The following AP3S1 variants were observed in gnomAD, a reference collection of about 807,000 sequenced individuals.
AP3S1 encodes AP-3 complex subunit sigma-1.
Under a neutral mutation model 21.3 loss-of-function variants are expected in AP3S1, and 12 were observed. The ratio of observed to expected loss-of-function variants is 0.56; its 90% CI spans 0.36 to 0.91. The LOEUF (loss-of-function observed/expected upper bound fraction) is 0.91. Among genes scored for constraint, AP3S1 ranks in the 40% least tolerant of loss-of-function variants. AP3S1 has a pLI of 0.01. For missense variants in AP3S1, 116 were observed against 225.0 expected (o/e 0.52, Z 3.10); for synonymous variants, 48 against 78.4 (o/e 0.61, Z 2.05).
Position 115,857,035 on chromosome 5 carries a change from A to G in AP3S1, c.70-9635A>G, listed in dbSNP as rs187321199. ...ATTTTCTTAGTTGAGTATTGCCAGCATTCTAAGAAGATTCCAAGTGGCAGC... is the reference window on the plus strand; with the variant it reads ...ATTTTCTTAGTTGAGTATTGCCAGCGTTCTAAGAAGATTCCAAGTGGCAGC... On this transcript the variant is annotated intron_variant, in intron 1 of 5. Transcript: ENST00000316788. Among the ~76,000 whole-genome samples the G allele has an allele frequency of 3.3e-4, 50 of 152,324 alleles. 1 individual carries two copies. Among genetic ancestry groups the G allele is most frequent in the Admixed American group, 1.7e-3 (26 of 15,292 alleles).
At chr5:115,867,973 T>C (rs1405833128) in intron 2 of AP3S1, among the ~76,000 whole-genome samples, 1 of 152,212 alleles carries the variant, frequency 6.6e-6, no homozygotes, top group Non-Finnish European at 1.5e-5. Flanking sequence ...TCTAGTTTAA[T>C]CCTAGTTTTG....
chr5:115,875,348 A>T (rs1324660837), intron 3 of AP3S1, among the ~76,000 whole-genome samples: 1 of 152,176 alleles, frequency 6.6e-6, no homozygotes, highest in East Asian at 1.9e-4. Context: ...AATTATGGCG[A>T]GGTAGGTACT....
At chr5:115,889,330 TG>T (rs1750076687) in intron 3 of AP3S1, among the ~76,000 whole-genome samples, 1 of 152,140 alleles carries the variant, frequency 6.6e-6, no homozygotes, top group African/African-American at 2.4e-5. Flanking sequence ...TACTGGAAAT[TG>T]TATTCTGATT....
At chr5:115,847,086 A>G (rs781601176) in intron 1 of AP3S1, among the ~76,000 whole-genome samples, 1 of 152,206 alleles carries the variant, frequency 6.6e-6, no homozygotes, top group African/African-American at 2.4e-5. Context: ...AGTTCAATTC[A>G]GAAAGAGACA....
intron 1 of AP3S1, among the ~76,000 whole-genome samples, chr5:115,858,470 A>G (rs977030706): frequency 8.5e-5 from 13 of 152,130 alleles, no homozygotes; most frequent in East Asian, 1.9e-4. Context: ...CAGAGTTTCT[A>G]CAGTTTCACA....
At chr5:115,845,614 A>G (rs138668039) in intron 1 of AP3S1, among the ~76,000 whole-genome samples, 35 of 152,170 alleles carry the variant, frequency 2.3e-4, no homozygotes, top group African/African-American at 7.9e-4. Context: ...CAGGCGGATC[A>G]CCTGAGGTCA....
intron 3 of AP3S1, among the ~76,000 whole-genome samples, chr5:115,877,102 G>A (rs992801937): frequency 6.6e-6 from 1 of 151,944 alleles, no homozygotes; most frequent in South Asian, 2.1e-4. Context: ...AATATTTATG[G>A]TGTTTACCAA....
In AP3S1 at chr5:115,913,587, AC is replaced by A. The variant is rs1752277691; in HGVS notation, c.*98del. 1 of 1,521,442 alleles carries A rather than the reference AC, an allele frequency of 6.6e-7. No homozygotes were observed. The highest frequency in any genetic ancestry group is 1.3e-5 in the South Asian group (1 of 75,470). 94.2% of individuals were successfully genotyped at this position (1,521,442 alleles called of 1,614,324 possible). A position where few individuals can be genotyped will look rare whatever the true frequency, so the allele number is the denominator to read the frequency against. On this transcript the variant is annotated 3_prime_UTR_variant, in exon 6 of 6. Transcript: ENST00000316788. ...CCAAAAATAGAGGAGGAGAGTCTTAACTTTTGCTCTTGGATTTAAGTCAAGG... is the reference window on the plus strand; with the variant it reads ...CCAAAAATAGAGGAGGAGAGTCTTAATTTTGCTCTTGGATTTAAGTCAAGG...
chr5:115,877,290 A>G (rs1280721069), intron 3 of AP3S1, among the ~76,000 whole-genome samples: 1 of 152,068 alleles, frequency 6.6e-6, no homozygotes, highest in Non-Finnish European at 1.5e-5. Context: ...GCACCCATCA[A>G]CCCGTCATCT....
Position 115,867,165 on chromosome 5 carries a change from A to T in AP3S1, c.161+404A>T, listed in dbSNP as rs1046594657. On this transcript the variant is annotated intron_variant, in intron 2 of 5. Transcript: ENST00000316788. The stretch of plus-strand genomic sequence containing the variant: ...ACCTACAACCTTAAAATTTTTATTT[A>T]TGAGATCACACTTTGTATGCTCATT... Among the ~76,000 whole-genome samples, 15 of 152,234 alleles carry T rather than the reference A, an allele frequency of 9.9e-5. No individual in the cohort carries two copies. In the East Asian group the frequency reaches 2.9e-3, roughly 29 times the overall value.
rs773467688 is a variant in AP3S1 at position 115,866,732 on chromosome 5, A to T, written c.132A>T (p.Glu44Asp). The change falls in exon 2 of 6, where the codon GAA becomes GAT. Residue 44 changes from glutamate (E) to aspartate (D), a missense_variant. Coordinates refer to ENST00000316788, the MANE Select transcript of AP3S1 (RefSeq NM_001284.4). ...TCCATTTGGTATCTAAGAGAGATGA[A>T]AATGTTTGTAATTTCCTAGAAGGAG... ...ETFHLVSKRD[E>D]NVCNFLEGGL... The T allele has an allele frequency of 6.2e-7, 1 of 1,604,198 alleles. No individual in the cohort carries two copies. Among genetic ancestry groups the T allele is most frequent in the Non-Finnish European group, 8.5e-7 (1 of 1,173,884 alleles).
intron 5 of AP3S1, among the ~76,000 whole-genome samples, chr5:115,905,796 A>G (rs956555007): frequency 2.0e-5 from 3 of 152,256 alleles, no homozygotes; most frequent in Admixed American, 6.5e-5. Flanking sequence ...CTTGAAACAA[A>G]GTATAAACTT....
chr5:115,855,628 C>T (rs558271646), intron 1 of AP3S1, among the ~76,000 whole-genome samples: 1 of 152,222 alleles, frequency 6.6e-6, no homozygotes, highest in Non-Finnish European at 1.5e-5. Context: ...GCTTGAGCCA[C>T]TGCACCCAGT....
rs540089825 is a variant in AP3S1, at chr5:115,872,287, A to C, written c.273+2159A>C. The stretch of plus-strand genomic sequence containing the variant: ...ACAGAGTGAGACCCTGTCTCAAAAA[A>C]AATAGAAATAAAAACATTGTTAATA... On this transcript the variant is annotated intron_variant, in intron 3 of 5. Coordinates refer to ENST00000316788, the MANE Select transcript of AP3S1 (RefSeq NM_001284.4). Among the ~76,000 whole-genome samples the C allele has an allele frequency of 2.0e-5, 3 of 152,288 alleles. No individual in the cohort carries two copies. The South Asian group carries it at 6.2e-4, about 32-fold the overall frequency.
chr5:115,866,862 T>C (rs549994665), intron 2 of AP3S1, 101 bp downstream of exon 2: 54 of 598,204 alleles, frequency 9.0e-5, no homozygotes, highest in Admixed American at 3.3e-4. Flanking sequence ...TTTTGATTAA[T>C]TGGATTAGGT....
intron 3 of AP3S1, among the ~76,000 whole-genome samples, chr5:115,889,693 C>T (rs1449062972): frequency 6.6e-6 from 1 of 152,008 alleles, no homozygotes; most frequent in Non-Finnish European, 1.5e-5. Context: ...AATTCCTATA[C>T]ATCAATAAGA....
intron 3 of AP3S1, among the ~76,000 whole-genome samples, chr5:115,875,738 C>T (rs988035863): frequency 1.3e-5 from 2 of 152,180 alleles, no homozygotes. Flanking sequence ...CTACATTATA[C>T]TGTATTACCA....
At chr5:115,844,837 A>G (rs1293331428) in intron 1 of AP3S1, among the ~76,000 whole-genome samples, 1 of 152,174 alleles carries the variant, frequency 6.6e-6, no homozygotes, top group East Asian at 1.9e-4. Context: ...TTCACAGCCT[A>G]TAATTCCTCG....
At chr5:115,902,760 T>A in intron 4 of AP3S1, 125 bp from the exon 5 acceptor site, 1 of 596,242 alleles carries the variant, frequency 1.7e-6, no homozygotes, top group Non-Finnish European at 2.8e-6. Flanking sequence ...GAGCCCTTAC[T>A]CCAAGTTGTT....
Sources: allele counts gnomAD v4.1 joint callset (sites outside exome capture counted in the v4.1 genomes callset), GRCh38; gene constraint gnomAD v4.1.1; transcripts MANE v1.5; gene names NCBI Gene and HGNC (gene_info 2026-07-23, HGNC 2026-07-21).